E2F4: variants seen among roughly 807,000 people sequenced by gnomAD.
E2F4 encodes transcription factor E2F4.
A neutral mutation model predicts 44.5 loss-of-function variants in E2F4; 16 were observed. The ratio of observed to expected loss-of-function variants is 0.36; its 90% CI spans 0.24 to 0.55. The LOEUF is 0.55. Among genes scored for constraint, E2F4 ranks in the 20% least tolerant of loss-of-function variants. E2F4 has a pLI of 0.87. For missense variants in E2F4, 473 were observed against 522.1 expected (o/e 0.91, Z 0.92); for synonymous variants, 242 against 207.2 (o/e 1.17, Z -1.44).
rs771864789 is a variant in E2F4 at position 67,192,840 on chromosome 16, A to G, written c.215A>G (p.Glu72Gly). The change falls in exon 2 of 10, where the codon GAG becomes GGG. Residue 72 changes from glutamate to glycine, a missense_variant. Glu to Gly is a moderately conservative substitution (Grantham distance 98). Transcript: ENST00000379378. Reference sequence around the variant, plus strand: ...GTTTTGGAAGGTATCGGGCTAATCGAGAAAAAGTCCAAGAACAGCATCCAG... The same window carrying G: ...GTTTTGGAAGGTATCGGGCTAATCGGGAAAAAGTCCAAGAACAGCATCCAG... ...TNVLEGIGLI[E>G]KKSKNSIQWK... 2 of 1,612,664 alleles carry G rather than the reference A, an allele frequency of 1.2e-6. No individual in the cohort carries two copies. The highest frequency in any genetic ancestry group is 1.7e-6 in the Non-Finnish European group (2 of 1,179,272).
At position 67,192,827 on chromosome 16, in the gene E2F4, A is replaced by G. The variant is rs781296185; in HGVS notation, c.202A>G (p.Ile68Val). Reference protein sequence around the residue: ...IYDITNVLEGIGLIEKKSKNS... With the variant: ...IYDITNVLEGVGLIEKKSKNS... Reference sequence around the variant, plus strand: ...CGACATTACCAATGTTTTGGAAGGTATCGGGCTAATCGAGAAAAAGTCCAA... The same window carrying G: ...CGACATTACCAATGTTTTGGAAGGTGTCGGGCTAATCGAGAAAAAGTCCAA... The change falls in exon 2 of 10, where the codon ATC (isoleucine) becomes GTC (valine). Residue 68 changes from isoleucine (I) to valine (V), a missense_variant. Around this residue, in one of 3 missense-constraint regions of E2F4, gnomAD observed 119 missense variants for 175.6 expected, o/e 0.68. Transcript: ENST00000379378. 1 of 1,612,948 alleles carries G rather than the reference A, an allele frequency of 6.2e-7. No individual in the cohort carries two copies. The highest frequency in any genetic ancestry group is 8.5e-7 in the Non-Finnish European group (1 of 1,179,460).
At position 67,198,547 on chromosome 16, in the gene E2F4, T is replaced by C. The variant is rs2033015044; in HGVS notation, c.*424T>C. On this transcript the variant is annotated 3_prime_UTR_variant, in exon 10 of 10. Coordinates refer to ENST00000379378, the MANE Select transcript of E2F4 (RefSeq NM_001950.4). ...ACTGGGCACATGCCAGCACCACTTC[T>C]AGCTTCCTTCGCTATCCCCCACCCC... The C allele has an allele frequency of 5.1e-6, 1 of 197,994 alleles. No homozygotes were observed. The allele number at this position is 197,994 out of a possible 1,614,324, so 12.3% of individuals were successfully genotyped here. A position where few individuals can be genotyped will look rare whatever the true frequency, so the allele number is the denominator to read the frequency against.
In E2F4 at chr16:67,193,117, G is replaced by C; in HGVS notation, c.354G>C (p.Lys118Asn). 6.4e-7 allele frequency: 1 copy of C among 1,574,728 alleles called. No individual in the cohort carries two copies. Among genetic ancestry groups the C allele is most frequent in the South Asian group, 1.2e-5 (1 of 86,166 alleles). ...GGGAGCAAGAACTAGACCAGCACAA[G>C]GTGTGGGTGCAGCAGAGCATCCGGA... Reference protein sequence around the residue: ...QQREQELDQHKVWVQQSIRNV... With the variant: ...QQREQELDQHNVWVQQSIRNV... Residue 118 changes from lysine to asparagine, a missense_variant, in exon 3 of 10, where the codon AAG (lysine) becomes AAC (asparagine). Coordinates refer to ENST00000379378, the MANE Select transcript of E2F4 (RefSeq NM_001950.4).
chr16:67,197,955 GGCT>G, intron 9 of E2F4, 44 bp downstream of exon 9: 1 of 1,614,112 alleles, frequency 6.2e-7, no homozygotes, highest in Non-Finnish European at 8.5e-7. Context: ...GCAGGGGTTG[GGCT>G]GCTGCTAGGG....
rs368806108 is a variant in E2F4, at chr16:67,198,655, G to A, written c.*532G>A. The A allele has an allele frequency of 9.3e-5, 16 of 171,778 alleles. No individual in the cohort carries two copies. Among genetic ancestry groups the A allele is most frequent in the Non-Finnish European group, 1.8e-4 (14 of 79,820 alleles). The allele number at this position is 171,778 out of a possible 1,614,324, so 10.6% of individuals were successfully genotyped here. A position where few individuals can be genotyped will look rare whatever the true frequency, so the allele number is the denominator to read the frequency against. On this transcript the variant is annotated 3_prime_UTR_variant, in exon 10 of 10. Coordinates refer to ENST00000379378, the MANE Select transcript of E2F4 (RefSeq NM_001950.4). ...CCTAGAACCTGCAGGTGGTGGGGGCGGCTACCAAGAAGGAACAGAGGTCTC... is the reference window on the plus strand; with the variant it reads ...CCTAGAACCTGCAGGTGGTGGGGGCAGCTACCAAGAAGGAACAGAGGTCTC...
chr16:67,194,504 C>T (rs749861665), intron 5 of E2F4, 45 bp downstream of exon 5: 18 of 1,610,026 alleles, frequency 1.1e-5, no homozygotes, highest in East Asian at 1.1e-4. Context: ...AGGGCGGGTG[C>T]TGGCTGTGGA....
At chr16:67,192,477 C>T (rs1159566006) in intron 1 of E2F4, 115 bp downstream of exon 1, 4 of 1,327,126 alleles carry the variant, frequency 3.0e-6, no homozygotes, top group South Asian at 1.9e-5. Context: ...CCATCGTGTG[C>T]TTTCTCACAG....
intron 6 of E2F4, among the ~76,000 whole-genome samples, chr16:67,195,219 C>T (rs1329454883): frequency 6.6e-6 from 1 of 152,256 alleles, no homozygotes; most frequent in Non-Finnish European, 1.5e-5. Context: ...ACTGCAACCT[C>T]TGCCTCCCAA....
At chr16:67,194,530 G>A (rs1373210245) in intron 5 of E2F4, 71 bp downstream of exon 5, 1 of 1,599,568 alleles carries the variant, frequency 6.3e-7, no homozygotes, top group Non-Finnish European at 8.5e-7. Context: ...ATAAGTCCTG[G>A]GTGGGGCAAG....
Position 67,197,541 on chromosome 16 carries a change from G to C in E2F4, c.1034-58G>C, listed in dbSNP as rs1021072518. ...GTATAGGATCCGAGGAAGCCAGGGGGCTGTAGTGGGGCCAGGCTGGACCTC... is the reference window on the plus strand; with the variant it reads ...GTATAGGATCCGAGGAAGCCAGGGGCCTGTAGTGGGGCCAGGCTGGACCTC... On this transcript the variant is annotated intron_variant, in intron 7 of 9. Transcript: ENST00000379378. 3.8e-6 allele frequency: 6 copies of C among 1,584,406 alleles called. No individual in the cohort carries two copies. In the African/African-American group the frequency reaches 8.1e-5, roughly 21 times the overall value.
chr16:67,192,832 G>A lies in E2F4; in HGVS notation c.207G>A (p.Gly69=). ...YDITNVLEGI[G]LIEKKSKNSI... is the part of the protein sequence containing the mutation. ...TTACCAATGTTTTGGAAGGTATCGG[G>A]CTAATCGAGAAAAAGTCCAAGAACA... Residue 69 remains glycine (G), a synonymous_variant, in exon 2 of 10, where the codon GGG becomes GGA. Transcript: ENST00000379378. 1.2e-6 allele frequency: 2 copies of A among 1,612,736 alleles called. No homozygotes were observed. The highest frequency in any genetic ancestry group is 1.3e-5 in the African/African-American group (1 of 75,042).
In E2F4 at chr16:67,193,021, T is replaced by A. The variant is rs750890716; in HGVS notation, c.258T>A (p.Pro86=). ...TCCCTGGGCTCAGGGGTGTGGGGCCTGGCTGCAATACCCGGGAGATTGCTG... is the reference window on the plus strand; with the variant it reads ...TCCCTGGGCTCAGGGGTGTGGGGCCAGGCTGCAATACCCGGGAGATTGCTG... ...KNSIQWKGVG[P]GCNTREIADK... is the part of the protein sequence containing the mutation. Residue 86 remains proline, a synonymous_variant, in exon 3 of 10, where the codon CCT becomes CCA. Transcript: ENST00000379378. The A allele has an allele frequency of 5.7e-6, 9 of 1,571,432 alleles. No individual in the cohort carries two copies. The Admixed American group carries it at 1.7e-4, about 29-fold the overall frequency.
At chr16:67,192,720 A>G in intron 1 of E2F4, 41 bp from the exon 2 acceptor site, 1 of 1,555,550 alleles carries the variant, frequency 6.4e-7, no homozygotes, top group Non-Finnish European at 8.8e-7. Context: ...CTGGGGGTAC[A>G]CCCCAGAGTG....
intron 4 of E2F4, 151 bp from the exon 5 acceptor site, chr16:67,194,246 TA>T: frequency 2.7e-6 from 2 of 744,774 alleles, no homozygotes; most frequent in Non-Finnish European, 4.3e-6. Context: ...AGAAGAGCTT[TA>T]GCTCTGCCTG....
intron 9 of E2F4, 45 bp downstream of exon 9, chr16:67,197,956 G>C: frequency 6.2e-7 from 1 of 1,614,114 alleles, no homozygotes; most frequent in South Asian, 1.1e-5. Context: ...CAGGGGTTGG[G>C]CTGCTGCTAG....
At chr16:67,196,905 C>T (rs898690114) in intron 7 of E2F4, among the ~76,000 whole-genome samples, 4 of 152,198 alleles carry the variant, frequency 2.6e-5, no homozygotes, top group Non-Finnish European at 4.4e-5. Context: ...CAGATGTCCC[C>T]TCCTATCCTC....
At chr16:67,192,977 C>T (rs200220235) in intron 2 of E2F4, 32 bp from the exon 3 acceptor site, 47 of 1,560,732 alleles carry the variant, frequency 3.0e-5, no homozygotes, top group Non-Finnish European at 3.9e-5. Context: ...GAGTTCTCAG[C>T]AGTCCCTCTC....
In E2F4 at chr16:67,193,148, A is replaced by G. The variant is rs766795929; in HGVS notation, c.385A>G (p.Thr129Ala). The part of the protein sequence containing the change: ...VWVQQSIRNV[T>A]EDVQNSCLAY... ...GGTGCAGCAGAGCATCCGGAACGTC[A>G]CAGAGGACGTGCAGAACAGCTGATA... The change falls in exon 3 of 10, where the codon ACA becomes GCA. Residue 129 changes from threonine to alanine, a missense_variant. This residue lies in a region of E2F4 where 119 missense variants were observed against 175.6 expected (regional missense o/e 0.68). Transcript: ENST00000379378. 6.4e-7 allele frequency: 1 copy of G among 1,572,670 alleles called. No individual in the cohort carries two copies. The highest frequency in any genetic ancestry group is 2.4e-5 in the East Asian group (1 of 42,092).
intron 4 of E2F4, chr16:67,193,890 T>A: frequency 3.3e-6 from 1 of 304,372 alleles, no homozygotes; most frequent in South Asian, 5.5e-5. Flanking sequence ...GTTAGTTTAG[T>A]TGCATTGTGA....
Sources: gnomAD v4.1 joint callset for allele counts (sites outside exome capture counted in the v4.1 genomes callset) on GRCh38, gnomAD v4.1.1 for gene constraint, gnomAD v4.1.1 regional missense constraint, MANE v1.5 for transcripts, NCBI Gene and HGNC (gene_info 2026-07-23, HGNC 2026-07-21) for gene names.